FAM193B: variants seen among roughly 807,000 people sequenced by gnomAD.
FAM193B encodes the protein protein FAM193B.
FAM193B carries 27 observed loss-of-function variants against 70.7 expected under a neutral mutation model. The observed-to-expected ratio is 0.38, with a 90% confidence interval of 0.28 to 0.53. The LOEUF is 0.53. Among genes scored for constraint, FAM193B ranks in the 20% least tolerant of loss-of-function variants. The probability of loss-of-function intolerance (pLI) is 0.81; values close to 1 mark genes in which losing one functional copy is unlikely to be tolerated. For synonymous variants in FAM193B, 448 were observed against 436.0 expected, an observed-to-expected ratio of 1.03 and a Z score of -0.34; for missense variants, 1,022 against 1,072.5, an observed-to-expected ratio of 0.95 and a Z score of 0.66.
intron 1 of FAM193B, among the ~76,000 whole-genome samples, chr5:177,543,164 C>A (rs1482126528): frequency 6.6e-6 from 1 of 152,076 alleles, no homozygotes; most frequent in Non-Finnish European, 1.5e-5. Flanking sequence ...CAAAATGGTA[C>A]ACAAAATAAA....
At chr5:177,550,666 G>A (rs1766094770) in intron 1 of FAM193B, among the ~76,000 whole-genome samples, 1 of 152,136 alleles carries the variant, frequency 6.6e-6, no homozygotes, top group Non-Finnish European at 1.5e-5. Flanking sequence ...GTGTACACTG[G>A]ATTACAAACT....
At chr5:177,531,490 G>T in intron 5 of FAM193B, 1 of 1,154,852 alleles carries the variant, frequency 8.7e-7, no homozygotes, top group Non-Finnish European at 1.2e-6. Flanking sequence ...CCGGATCTCG[G>T]TATAGTTCCG....
In FAM193B at chr5:177,538,212, T is replaced by C; in HGVS notation, c.454-105A>G. The C allele has an allele frequency of 3.4e-6, 4 of 1,190,552 alleles. No individual in the cohort carries two copies. The highest frequency in any genetic ancestry group is 2.8e-5 in the Admixed American group (1 of 35,176). 73.7% of individuals were successfully genotyped at this position (1,190,552 alleles called of 1,614,324 possible). Reference sequence around the variant, plus strand: ...AGGGAGCTCCTTCTCCTCCAGACCATGTGCCATAGCAAAAACACAATTAAT... The same window carrying C: ...AGGGAGCTCCTTCTCCTCCAGACCACGTGCCATAGCAAAAACACAATTAAT... On this transcript the variant is annotated intron_variant, in intron 2 of 8. Coordinates refer to ENST00000514747, the MANE Select transcript of FAM193B (RefSeq NM_001190946.3). The surrounding 1 kb of genome is among the most constrained non-coding windows in gnomAD (Gnocchi z 4.1).
intron 1 of FAM193B, among the ~76,000 whole-genome samples, chr5:177,550,896 C>T (rs899648693): frequency 6.6e-6 from 1 of 152,186 alleles, no homozygotes; most frequent in African/African-American, 2.4e-5. Flanking sequence ...GTGGCGTGCA[C>T]ATGAAGTCCT....
chr5:177,541,488 G>A (rs891776533), intron 1 of FAM193B, among the ~76,000 whole-genome samples: 3 of 151,756 alleles, frequency 2.0e-5, no homozygotes, highest in South Asian at 2.1e-4. Flanking sequence ...GTACGATCTC[G>A]GCTCACTGCA....
chr5:177,531,141 A>G, intron 5 of FAM193B: 1 of 913,678 alleles, frequency 1.1e-6, no homozygotes, highest in East Asian at 6.8e-5. Context: ...TGCCTCCCAA[A>G]CTCATTCAGA....
In FAM193B at chr5:177,545,658, CAA is replaced by C. The variant is rs35116415; in HGVS notation, c.211-6513_211-6512del. Among the ~76,000 whole-genome samples the C allele has an allele frequency of 3.5e-3, 417 of 119,008 alleles. 4 individuals are homozygous for C. Among genetic ancestry groups the C allele is most frequent in the East Asian group, 0.015 (64 of 4,200 alleles). The allele number at this position is 119,008 out of a possible 152,430, so 78.1% of individuals were successfully genotyped here. ...ACTGGGTAACAGTGAGAGCCTGTCT[CAA>C]AAAAAAAAAAAAAAAAAGATAGCTC... On this transcript the variant is annotated intron_variant, in intron 1 of 8. Coordinates refer to ENST00000514747, the MANE Select transcript of FAM193B (RefSeq NM_001190946.3).
chr5:177,540,029 G>A (rs747179015), intron 1 of FAM193B, among the ~76,000 whole-genome samples: 17 of 151,720 alleles, frequency 1.1e-4, no homozygotes, highest in South Asian at 2.1e-4. Context: ...AACTCAGGCC[G>A]GGCGCGGTAG....
rs776534433 is a variant in FAM193B at position 177,543,301 on chromosome 5, C to T, written c.211-4154G>A. 3.9e-5 allele frequency among the ~76,000 whole-genome samples: 6 copies of T among 152,152 alleles called. No homozygotes were observed. The South Asian group carries it at 8.3e-4, about 21-fold the overall frequency. The stretch of plus-strand genomic sequence containing the variant: ...CTGCCCACAGAACTGAGTGATGATA[C>T]CACCCATGCTGCATAAAGCTGCCCA... On this transcript the variant is annotated intron_variant, in intron 1 of 8. Coordinates refer to ENST00000514747, the MANE Select transcript of FAM193B (RefSeq NM_001190946.3).
intron 1 of FAM193B, among the ~76,000 whole-genome samples, chr5:177,551,690 G>C (rs1357012644): frequency 1.3e-5 from 2 of 152,234 alleles, no homozygotes; most frequent in African/African-American, 4.8e-5. Context: ...CAATATGTGA[G>C]CTGGGGCATT....
chr5:177,544,150 G>T (rs890949276), intron 1 of FAM193B, among the ~76,000 whole-genome samples: 1 of 152,212 alleles, frequency 6.6e-6, no homozygotes, highest in African/African-American at 2.4e-5. Context: ...AGAATCTCTG[G>T]AGAGTGTGAG....
At chr5:177,527,586 G>C (rs1195024006) in intron 5 of FAM193B, among the ~76,000 whole-genome samples, 3 of 152,238 alleles carry the variant, frequency 2.0e-5, no homozygotes, top group Non-Finnish European at 2.9e-5. Context: ...ACCTTTCCAT[G>C]CATCGCTCCA....
In FAM193B at chr5:177,554,425, C is replaced by A. The variant is rs1259281032; in HGVS notation, c.34G>T (p.Ala12Ser). Residue 12 changes from alanine to serine, a missense_variant, in exon 1 of 9, where the codon GCG (alanine) becomes TCG (serine). By Grantham distance (99) the Ala-to-Ser change is moderately conservative. Transcript: ENST00000514747. ...GCCCGAGCCCGCTCGCGCCTGCCCGCACCGCCGCTCGGCCTGCTCCGCCTC... is the reference window on the plus strand; with the variant it reads ...GCCCGAGCCCGCTCGCGCCTGCCCGAACCGCCGCTCGGCCTGCTCCGCCTC... ...TRRRSRPSGG[A>S]GRRERARAAG... 7 of 1,089,162 alleles carry A rather than the reference C, an allele frequency of 6.4e-6. No homozygotes were observed. The highest frequency in any genetic ancestry group is 1.7e-5 in the African/African-American group (1 of 59,348). The allele number at this position is 1,089,162 out of a possible 1,614,324, so 67.5% of individuals were successfully genotyped here.
At chr5:177,539,256 G>A (rs1213003499) in intron 1 of FAM193B, 109 bp from the exon 2 acceptor site, 3 of 1,323,472 alleles carry the variant, frequency 2.3e-6, no homozygotes, top group East Asian at 2.6e-5. Flanking sequence ...ACTGGGTTAG[G>A]CACTTTTTAG....
rs140363815 is a variant in FAM193B at position 177,524,715 on chromosome 5, G to T, written c.1766C>A (p.Thr589Asn). ...GATCACCCGGGATAGGTTGGGCACG[G>T]TGTTGAGTCTCCTCACGAGCCCGTT... ...PENGLVRRLN[T>N]VPNLSRVIWV... Residue 589 changes from threonine to asparagine, a missense_variant, in exon 6 of 9, where the codon ACC (threonine) becomes AAC (asparagine). Physicochemically the swap from Thr to Asn is moderately conservative, Grantham distance 65 (BLOSUM62 0). Coordinates refer to ENST00000514747, the MANE Select transcript of FAM193B (RefSeq NM_001190946.3). The T allele has an allele frequency of 1.0e-3, 1,601 of 1,581,756 alleles. 16 individuals carry two copies. The African/African-American group carries it at 0.019, about 19-fold the overall frequency.
chr5:177,554,133 A>G, intron 1 of FAM193B, 116 bp downstream of exon 1: 1 of 1,419,962 alleles, frequency 7.0e-7, no homozygotes, highest in Non-Finnish European at 9.2e-7. Flanking sequence ...GACCCGGGGG[A>G]AGGCTGCTAC....
chr5:177,548,226 TATC>T (rs1469938763), intron 1 of FAM193B, among the ~76,000 whole-genome samples: 2 of 152,230 alleles, frequency 1.3e-5, no homozygotes, highest in Non-Finnish European at 2.9e-5. Context: ...GAATAGAGCT[TATC>T]ATATATATTC....
intron 7 of FAM193B, chr5:177,523,166 AT>A: frequency 3.0e-6 from 1 of 336,632 alleles, no homozygotes; most frequent in Non-Finnish European, 6.1e-6. Context: ...TACCTGCCTT[AT>A]TTTTCTATTT....
Position 177,524,191 on chromosome 5 carries a change from A to T in FAM193B, c.2290T>A (p.Ser764Thr). Residue 764 changes from serine (S) to threonine (T), a missense_variant, in exon 6 of 9, where the codon TCC becomes ACC. Coordinates refer to ENST00000514747, the MANE Select transcript of FAM193B (RefSeq NM_001190946.3). The part of the protein sequence containing the change: ...SRNKQEKPAS[S>T]LDDVFLPKDM... ...CAGTTCCTGGTGCACTCACCCAAGG[A>T]GGAGGCTGGCTTCTCCTGCTTGTTG... 1 of 1,562,576 alleles carries T rather than the reference A, an allele frequency of 6.4e-7. No homozygotes were observed. The highest frequency in any genetic ancestry group is 8.7e-7 in the Non-Finnish European group (1 of 1,153,440).
Sources: allele counts gnomAD v4.1 joint callset (sites outside exome capture counted in the v4.1 genomes callset), GRCh38; gene constraint gnomAD v4.1.1; non-coding constraint Gnocchi (gnomAD v3.1); transcripts MANE v1.5; gene names NCBI Gene and HGNC (gene_info 2026-07-23, HGNC 2026-07-21).